WAPL: variants seen among roughly 807,000 people sequenced by gnomAD.
The protein encoded by WAPL is WAPL cohesin release factor, also known as wings apart-like protein homolog.
In WAPL, 5 loss-of-function variants were observed where a neutral mutation model predicts 121.0. The observed-to-expected ratio is 0.04, with a 90% CI of 0.02 to 0.09. WAPL has a LOEUF of 0.09. Ranked by LOEUF, WAPL falls within the 10% of genes least tolerant of loss-of-function variation. WAPL has a pLI of 1.00. For missense variants in WAPL, 999 were observed against 1,410.8 expected, an observed-to-expected ratio of 0.71 and a Z score of 4.68; for synonymous variants, 480 against 481.5, an observed-to-expected ratio of 1.00 and a Z score of 0.04.
At chr10:86,439,110 T>C (rs889493759) in intron 17 of WAPL, among the ~76,000 whole-genome samples, 2 of 152,110 alleles carry the variant, frequency 1.3e-5, no homozygotes, top group Admixed American at 1.3e-4. Context: ...AATTCGACTT[T>C]TGTTAGCGGG....
intron 12 of WAPL, among the ~76,000 whole-genome samples, chr10:86,457,069 A>T (rs529385376): frequency 6.6e-6 from 1 of 152,368 alleles, no homozygotes; most frequent in South Asian, 2.1e-4. Context: ...TTTTTAAATC[A>T]GAAACAACAT....
Position 86,500,431 on chromosome 10 carries a change from C to T in WAPL, c.812G>A (p.Arg271Gln), listed in dbSNP as rs1452837662. The T allele has an allele frequency of 7.4e-6, 12 of 1,614,086 alleles. No individual in the cohort carries two copies. In the Admixed American group the frequency reaches 8.3e-5, roughly 11 times the overall value. ...LEMKDDDFKN[R>Q]LENLNEAIEE... ...AATGGCTTCATTCAGATTTTCCAATCGATTTTTAAAATCGTCATCCTTCAT... is the reference window on the plus strand; with the variant it reads ...AATGGCTTCATTCAGATTTTCCAATTGATTTTTAAAATCGTCATCCTTCAT... Residue 271 changes from arginine to glutamine, a missense_variant, in exon 3 of 19, where the codon CGA becomes CAA. Transcript: ENST00000298767.
intron 14 of WAPL, among the ~76,000 whole-genome samples, chr10:86,452,837 T>C (rs1841022695): frequency 6.6e-6 from 1 of 151,448 alleles, no homozygotes; most frequent in Non-Finnish European, 1.5e-5. Context: ...GCCAGGAGTT[T>C]GAAACCAGCC....
intron 17 of WAPL, among the ~76,000 whole-genome samples, chr10:86,439,175 C>A (rs565784659): frequency 6.6e-6 from 1 of 152,272 alleles, no homozygotes; most frequent in East Asian, 1.9e-4. Flanking sequence ...CTACCCACCC[C>A]CTTTTTCCTA....
chr10:86,517,862 C>T lies in WAPL; in HGVS notation c.208G>A (p.Gly70Arg), dbSNP rs1842592119. ...KKPKVEEESTGDPFGFDSDDE... is the reference protein window; with the variant it reads ...KKPKVEEESTRDPFGFDSDDE... ...TCACTATCAAATCCAAAAGGATCTCCAGTACTTTCTTCTTCCACTTTAGGT... is the reference window on the plus strand; with the variant it reads ...TCACTATCAAATCCAAAAGGATCTCTAGTACTTTCTTCTTCCACTTTAGGT... Residue 70 changes from glycine to arginine, a missense_variant, in exon 2 of 19, where the codon GGA (glycine) becomes AGA (arginine). Coordinates refer to ENST00000298767, the MANE Select transcript of WAPL (RefSeq NM_015045.5). 1 of 1,614,140 alleles carries T rather than the reference C, an allele frequency of 6.2e-7. No individual in the cohort carries two copies. Among genetic ancestry groups the T allele is most frequent in the Non-Finnish European group, 8.5e-7 (1 of 1,180,006 alleles).
intron 11 of WAPL, among the ~76,000 whole-genome samples, chr10:86,459,530 G>A (rs770546357): frequency 2.0e-5 from 3 of 152,182 alleles, no homozygotes; most frequent in Non-Finnish European, 2.9e-5. Context: ...ATAACCTGGT[G>A]AACAAACCTA....
At chr10:86,478,650 T>C (rs1055350342) in intron 4 of WAPL, among the ~76,000 whole-genome samples, 3 of 152,160 alleles carry the variant, frequency 2.0e-5, no homozygotes, top group Admixed American at 6.5e-5. Context: ...CCATTAAAGC[T>C]AAAGAAAAAA....
At chr10:86,457,381 G>C in intron 12 of WAPL, among the ~76,000 whole-genome samples, 1 of 149,892 alleles carries the variant, frequency 6.7e-6, no homozygotes, top group Admixed American at 6.6e-5. Context: ...GGCCAGGCAC[G>C]GTGGCTCACA....
chr10:86,512,806 A>G (rs1842490834), intron 2 of WAPL, among the ~76,000 whole-genome samples: 1 of 152,206 alleles, frequency 6.6e-6, no homozygotes, highest in South Asian at 2.1e-4. Flanking sequence ...ATGCAACAAG[A>G]TCTGCCAGAT....
At position 86,436,365 on chromosome 10, in the gene WAPL, A is replaced by G. The variant is rs1209119105; in HGVS notation, c.*1178T>C. On this transcript the variant is annotated 3_prime_UTR_variant, in exon 19 of 19. Transcript: ENST00000298767. ...TGAAAAAGATCTCTAGAAAGCCTGT[A>G]TTCAGGCCCAATCAATAAAAAAGGA... The G allele has an allele frequency of 6.6e-6, 1 of 152,376 alleles. No homozygotes were observed. Among genetic ancestry groups the G allele is most frequent in the Non-Finnish European group, 1.5e-5 (1 of 68,004 alleles). 9.4% of individuals were successfully genotyped at this position (152,376 alleles called of 1,614,324 possible). A position where few individuals can be genotyped will look rare whatever the true frequency, so the allele number is the denominator to read the frequency against.
intron 11 of WAPL, among the ~76,000 whole-genome samples, chr10:86,459,738 T>A (rs922838588): frequency 1.3e-5 from 2 of 152,300 alleles, no homozygotes; most frequent in East Asian, 3.9e-4. Context: ...AATAACAATT[T>A]AAAAATAAAA....
rs1387405021 is a variant in WAPL at position 86,437,905 on chromosome 10, A to G, written c.3507+15T>C. The G allele has an allele frequency of 7.7e-6, 12 of 1,566,038 alleles. No individual in the cohort carries two copies. Among genetic ancestry groups the G allele is most frequent in the Middle Eastern group, 3.3e-4 (2 of 5,984 alleles). On this transcript the variant is annotated intron_variant, in intron 18 of 18. Transcript: ENST00000298767. The stretch of plus-strand genomic sequence containing the variant: ...TAAATTTAAAATCATATAAGCTGTA[A>G]TAAAAGCTACTTACAGTGAGATTCA...
At chr10:86,481,571 C>T (rs974770215) in intron 4 of WAPL, among the ~76,000 whole-genome samples, 1 of 151,980 alleles carries the variant, frequency 6.6e-6, no homozygotes, top group Non-Finnish European at 1.5e-5. Flanking sequence ...CGGGGTTTAT[C>T]CATGTTGGTC....
chr10:86,483,769 C>CAA (rs140276448), intron 4 of WAPL, among the ~76,000 whole-genome samples: 37,582 of 107,100 alleles, frequency 0.35, 6,198 homozygotes, highest in Non-Finnish European at 0.38. Context: ...AAGTTTTTAA[C>CAA]AAAAAAAAAA....
intron 8 of WAPL, among the ~76,000 whole-genome samples, chr10:86,470,782 C>T (rs1054784903): frequency 4.6e-5 from 7 of 152,168 alleles, no homozygotes; most frequent in Non-Finnish European, 7.4e-5. Flanking sequence ...TAAAATGACA[C>T]ATTAAGAAAA....
At chr10:86,467,812 G>C (rs1841434858) in intron 8 of WAPL, among the ~76,000 whole-genome samples, 1 of 151,712 alleles carries the variant, frequency 6.6e-6, no homozygotes, top group African/African-American at 2.4e-5. Flanking sequence ...GAGTAGCTCG[G>C]ACTACTGGTG....
At chr10:86,482,910 G>GT (rs1841825682) in intron 4 of WAPL, among the ~76,000 whole-genome samples, 1 of 152,090 alleles carries the variant, frequency 6.6e-6, no homozygotes, top group African/African-American at 2.4e-5. Context: ...TTATAGCATG[G>GT]TAACTACAGT....
intron 2 of WAPL, among the ~76,000 whole-genome samples, chr10:86,502,931 G>A (rs529570593): frequency 3.5e-4 from 53 of 151,884 alleles, no homozygotes; most frequent in Non-Finnish European, 6.0e-4. Flanking sequence ...AGGCCAAGGC[G>A]GGCGGATCAT....
In WAPL at chr10:86,517,477, A is replaced by G. The variant is rs750245583; in HGVS notation, c.499+94T>C. On this transcript the variant is annotated intron_variant, in intron 2 of 18. Coordinates refer to ENST00000298767, the MANE Select transcript of WAPL (RefSeq NM_015045.5). ...GTCCCCATGTATCATAAGTGCAGAA[A>G]GAAAACACAATATATATTTTAGAAT... 1.1e-4 allele frequency: 161 copies of G among 1,443,822 alleles called. 1 individual carries two copies. The highest frequency in any genetic ancestry group is 3.1e-4 in the Admixed American group (13 of 41,724). The allele number at this position is 1,443,822 out of a possible 1,614,324, so 89.4% of individuals were successfully genotyped here.
Sources: allele counts gnomAD v4.1 joint callset (sites outside exome capture counted in the v4.1 genomes callset), GRCh38; gene constraint gnomAD v4.1.1; transcripts MANE v1.5; gene names NCBI Gene and HGNC (gene_info 2026-07-23, HGNC 2026-07-21).